Variants in LCK observed in about 807,000 individuals in gnomAD.
The protein encoded by LCK is LCK proto-oncogene, Src family tyrosine kinase.
A neutral mutation model predicts 64.6 loss-of-function variants in LCK; 14 were observed. That is an observed-to-expected ratio of 0.22 (90% CI 0.14 to 0.34). The LOEUF (loss-of-function observed/expected upper bound fraction) is 0.34, where lower values mean the gene tolerates loss of function less well. LCK is among the 10% of genes least tolerant of loss of function. LCK has a pLI of 1.00. For synonymous variants in LCK, 277 were observed against 263.6 expected, an observed-to-expected ratio of 1.05 and a Z score of -0.49; for missense variants, 434 against 668.1, an observed-to-expected ratio of 0.65 and a Z score of 3.86.
intron 12 of LCK, among the ~76,000 whole-genome samples, chr1:32,283,288 C>CAAAAAAAA (rs888361880): frequency 1.9e-5 from 1 of 53,732 alleles, no homozygotes; most frequent in Non-Finnish European, 3.9e-5. Flanking sequence ...GACTCTGTCT[C>CAAAAAAAA]AAAAAAAAAA....
chr1:32,280,443 CTTTTTTTTTTTTTTT>C (rs770430504), intron 12 of LCK, among the ~76,000 whole-genome samples: 2 of 84,744 alleles, frequency 2.4e-5, no homozygotes, highest in Non-Finnish European at 4.3e-5. Flanking sequence ...TTTTCTTTTT[CTTTTTTTTTTTTTTT>C]TTTTTTTTTT....
At chr1:32,256,124 T>C (rs1256404801) in intron 1 of LCK, among the ~76,000 whole-genome samples, 7 of 151,756 alleles carry the variant, frequency 4.6e-5, no homozygotes, top group Admixed American at 6.6e-5. Flanking sequence ...ATAATAACAA[T>C]ACAATTTATT....
chr1:32,265,984 C>T (rs998069197), intron 1 of LCK, among the ~76,000 whole-genome samples: 2 of 152,120 alleles, frequency 1.3e-5, no homozygotes, highest in African/African-American at 4.8e-5. Flanking sequence ...CAGGGTGTTG[C>T]TCTCTTGCTC....
chr1:32,256,384 G>A (rs190642434), intron 1 of LCK, among the ~76,000 whole-genome samples: 75 of 152,100 alleles, frequency 4.9e-4, no homozygotes, highest in African/African-American at 1.8e-3. Context: ...ATCATCTGAG[G>A]TCAGGAGTTT....
At chr1:32,280,732 C>T (rs973418936) in intron 12 of LCK, among the ~76,000 whole-genome samples, 1 of 152,092 alleles carries the variant, frequency 6.6e-6, no homozygotes, top group Non-Finnish European at 1.5e-5. Flanking sequence ...GGATTACAGG[C>T]GTGAGCCACC....
chr1:32,253,020 G>T (rs1410351806), intron 1 of LCK, among the ~76,000 whole-genome samples: 1 of 152,092 alleles, frequency 6.6e-6, no homozygotes, highest in Non-Finnish European at 1.5e-5. Context: ...CCATTTCCTT[G>T]AGCAAGTGGC....
In LCK at chr1:32,256,115, T is replaced by C. The variant is rs117826819; in HGVS notation, c.-6+4744T>C. On this transcript the variant is annotated intron_variant, in intron 1 of 12. Coordinates refer to ENST00000336890, the MANE Select transcript of LCK (RefSeq NM_005356.5). ...ACACCCCGTCTCTATTAAAACATAATAATAACAATACAATTTATTTATTTA... is the reference window on the plus strand; with the variant it reads ...ACACCCCGTCTCTATTAAAACATAACAATAACAATACAATTTATTTATTTA... Among the ~76,000 whole-genome samples the C allele has an allele frequency of 4.6e-5, 7 of 152,126 alleles. No homozygotes were observed. The East Asian group carries it at 1.4e-3, about 30-fold the overall frequency.
At chr1:32,260,076 G>T (rs901068339) in intron 1 of LCK, among the ~76,000 whole-genome samples, 1 of 151,146 alleles carries the variant, frequency 6.6e-6, no homozygotes, top group Non-Finnish European at 1.5e-5. Context: ...ACAGAGTCTT[G>T]CTCTGTCGCC....
chr1:32,254,757 C>G (rs902712228), intron 1 of LCK, among the ~76,000 whole-genome samples: 1 of 152,192 alleles, frequency 6.6e-6, no homozygotes, highest in Non-Finnish European at 1.5e-5. Context: ...GGTGATCCGC[C>G]TGCCTCAGCC....
In LCK at chr1:32,274,827, A is replaced by T; in HGVS notation, c.187+9A>T. The T allele has an allele frequency of 6.2e-7, 1 of 1,613,978 alleles. No homozygotes were observed. The highest frequency in any genetic ancestry group is 8.5e-7 in the Non-Finnish European group (1 of 1,179,950). On this transcript the variant is annotated intron_variant, in intron 3 of 12. Transcript: ENST00000336890. ...GGCTTCCCCACTGCAAGGTGACCCC[A>T]GGCAGCAGGGCCTGAAAGACAAGGC...
intron 1 of LCK, among the ~76,000 whole-genome samples, chr1:32,259,601 T>C (rs1045148339): frequency 4.0e-5 from 6 of 150,024 alleles, no homozygotes; most frequent in Non-Finnish European, 7.4e-5. Flanking sequence ...GCCTGGGCGA[T>C]AGAGTGAGAC....
chr1:32,262,450 T>G (rs1569914951), intron 1 of LCK, among the ~76,000 whole-genome samples: 2 of 142,938 alleles, frequency 1.4e-5, no homozygotes. Flanking sequence ...TTTGATGGAG[T>G]CTAGTTCTGT....
intron 1 of LCK, among the ~76,000 whole-genome samples, chr1:32,272,615 G>GAGAGAGAAAGAGAGAGAC (rs1640112497): frequency 6.9e-6 from 1 of 145,920 alleles, no homozygotes; most frequent in Non-Finnish European, 1.5e-5. Context: ...AAGAGAGAGA[G>GAGAGAGAAAGAGAGAGAC]AGAGAGAAAG....
rs769439796 is a variant in LCK, at chr1:32,280,070, C to T, written c.1196-9C>T. 7.4e-6 allele frequency: 12 copies of T among 1,613,986 alleles called. No homozygotes were observed. In the Admixed American group the frequency reaches 1.7e-4, roughly 22 times the overall value. ...AGACCCAGGTGACCTCACTCTGCCT[C>T]CTCCTTAGGGGCCAAGTTTCCCATT... On this transcript the variant is annotated splice_polypyrimidine_tract_variant and intron_variant, in intron 11 of 12. Coordinates refer to ENST00000336890, the MANE Select transcript of LCK (RefSeq NM_005356.5).
intron 1 of LCK, among the ~76,000 whole-genome samples, chr1:32,263,430 T>C (rs1283998901): frequency 1.4e-5 from 2 of 139,430 alleles, no homozygotes; most frequent in Non-Finnish European, 3.0e-5. Flanking sequence ...AATAAATAAA[T>C]AAATAAATAA....
chr1:32,285,526 C>T lies in LCK; in HGVS notation c.1340C>T (p.Pro447Leu), dbSNP rs371436737. The change falls in exon 13 of 13, where the codon CCG becomes CTG. Residue 447 changes from proline (P) to leucine (L), a missense_variant. Pro to Leu is a moderately conservative substitution (Grantham distance 98, BLOSUM62 -3). Transcript: ENST00000336890. ...GRIPYPGMTN[P>L]EVIQNLERGY... ...CATCAACCCGTAGGGATGACCAACC[C>T]GGAGGTGATTCAGAACCTGGAGCGA... 2 of 1,614,040 alleles carry T rather than the reference C, an allele frequency of 1.2e-6. No individual in the cohort carries two copies. Among genetic ancestry groups the T allele is most frequent in the African/African-American group, 1.3e-5 (1 of 74,932 alleles).
intron 9 of LCK, chr1:32,277,213 CAAAAAAAAA>C (rs10645285): frequency 4.8e-5 from 4 of 84,040 alleles, no homozygotes; most frequent in Non-Finnish European, 6.7e-5. Flanking sequence ...AAGACTCTAT[CAAAAAAAAA>C]AAAAAAAAAA....
At chr1:32,277,454 C>G (rs908530886) in intron 9 of LCK, among the ~76,000 whole-genome samples, 2 of 152,032 alleles carry the variant, frequency 1.3e-5, no homozygotes. Flanking sequence ...GCCCCTGAGC[C>G]CTAGGAGGGC....
At chr1:32,282,375 C>T (rs1640487258) in intron 12 of LCK, among the ~76,000 whole-genome samples, 1 of 152,176 alleles carries the variant, frequency 6.6e-6, no homozygotes, top group African/African-American at 2.4e-5. Flanking sequence ...CTTGCAGCTG[C>T]TCCAGCAGAT....
Sources: gnomAD v4.1 joint callset for allele counts (sites outside exome capture counted in the v4.1 genomes callset) on GRCh38, gnomAD v4.1.1 for gene constraint, MANE v1.5 for transcripts, NCBI Gene and HGNC (gene_info 2026-07-23, HGNC 2026-07-21) for gene names.